Variants in NPIPB2 observed in about 807,000 individuals in gnomAD.
The protein encoded by NPIPB2 is nuclear pore complex interacting protein family member B2.
Under a neutral mutation model 30.8 loss-of-function variants are expected in NPIPB2, and 27 were observed. The observed-to-expected ratio is 0.88, with a 90% confidence interval of 0.65 to 1.21. The LOEUF (loss-of-function observed/expected upper bound fraction) is 1.21, where lower values mean the gene tolerates loss of function less well. Ranked by LOEUF, NPIPB2 falls within the 50% of genes most tolerant of loss-of-function variation. The pLI, the probability that NPIPB2 is intolerant of heterozygous loss-of-function variation, is 0.00. For missense variants in NPIPB2, 440 were observed against 446.2 expected (o/e 0.99, Z 0.13); for synonymous variants, 147 against 162.0 (o/e 0.91, Z 0.70).
intron 1 of NPIPB2, among the ~76,000 whole-genome samples, chr16:11,974,049 T>A (rs777047553): frequency 1.3e-5 from 2 of 152,188 alleles, no homozygotes; most frequent in African/African-American, 4.8e-5. Context: ...AAAATTGTTA[T>A]TTTTGGTGGG....
In NPIPB2 at chr16:11,951,625, T is replaced by TACACACACACACACACACAC. The variant is rs1214348316; in HGVS notation, c.-583-9531_-583-9512dup. Among the ~76,000 whole-genome samples the TACACACACACACACACACAC allele has an allele frequency of 3.3e-3, 320 of 95,834 alleles. 3 individuals carry two copies. The highest frequency in any genetic ancestry group is 0.014 in the African/African-American group (291 of 21,538). The allele number at this position is 95,834 out of a possible 152,430, so 62.9% of individuals were successfully genotyped here. A position where few individuals can be genotyped will look rare whatever the true frequency, so the allele number is the denominator to read the frequency against. On this transcript the variant is annotated intron_variant, in intron 1 of 5. Coordinates refer to the NPIPB2 transcript ENST00000538896. Reference sequence around the variant, plus strand: ...TACAGATGGACACTGCACATACACATACACACACACACACACACACACACA... The same window carrying TACACACACACACACACACAC: ...TACAGATGGACACTGCACATACACATACACACACACACACACACACACACACACACACACACACACACACA...
At chr16:11,955,204 A>AAACCTAAAAATAGCCAGGCATGG in intron 1 of NPIPB2, among the ~76,000 whole-genome samples, 1 of 152,052 alleles carries the variant, frequency 6.6e-6, no homozygotes, top group Middle Eastern at 3.4e-3. Flanking sequence ...AAATACAAAA[A>AAACCTAAAAATAGCCAGGCATGG]TTAGCTGGCC....
At chr16:11,939,201 T>TA (rs71139506) in intron 1 of NPIPB2, among the ~76,000 whole-genome samples, 132,198 of 146,752 alleles carry the variant, frequency 0.9, 59,596 homozygotes, top group Non-Finnish European at 0.95. Flanking sequence ...TCAGCATAAG[T>TA]AAAAAAAAAA....
At chr16:11,955,623 A>G (rs1423946936) in intron 1 of NPIPB2, among the ~76,000 whole-genome samples, 2 of 151,612 alleles carry the variant, frequency 1.3e-5, no homozygotes, top group Non-Finnish European at 2.9e-5. Flanking sequence ...TGGGTGGCTG[A>G]GGCAGGAGAA....
chr16:11,962,563 G>C (rs1047615563), intron 1 of NPIPB2, among the ~76,000 whole-genome samples: 2 of 141,332 alleles, frequency 1.4e-5, no homozygotes, highest in African/African-American at 5.2e-5. Context: ...AGTGAGCTGA[G>C]ATAGCGCCCC....
At chr16:11,934,073 A>C in intron 2 of NPIPB2, 149 bp from the exon 3 acceptor site, 2 of 669,772 alleles carry the variant, frequency 3.0e-6, no homozygotes, top group South Asian at 3.6e-5. Flanking sequence ...TCTACTAAAA[A>C]TACAAAAATT....
At chr16:11,965,427 C>T (rs1274772306) in intron 1 of NPIPB2, 1 of 1,614,040 alleles carries the variant, frequency 6.2e-7, no homozygotes. Context: ...TACTCCTCCT[C>T]TAACATGTCA....
chr16:11,948,600 A>G (rs2055034082), intron 1 of NPIPB2, among the ~76,000 whole-genome samples: 2 of 151,588 alleles, frequency 1.3e-5, no homozygotes, highest in African/African-American at 4.8e-5. Flanking sequence ...CCCCGTCTCT[A>G]CTAAAAATAC....
intron 4 of NPIPB2, 80 bp downstream of exon 4, chr16:11,933,437 T>C (rs529192562): frequency 1.3e-6 from 2 of 1,576,030 alleles, no homozygotes; most frequent in African/African-American, 2.7e-5. Flanking sequence ...TTGTAGAAAA[T>C]ATTCTCAAGG....
exon 8 of NPIPB2, chr16:11,927,448 C>T (rs777517814): frequency 9.2e-7 from 1 of 1,091,360 alleles, no homozygotes. Flanking sequence ...ATGGTTCCAC[C>T]TCAGCGGCCC....
At chr16:11,962,114 C>T (rs1243442469) in intron 1 of NPIPB2, among the ~76,000 whole-genome samples, 2 of 148,932 alleles carry the variant, frequency 1.3e-5, no homozygotes, top group Non-Finnish European at 3.0e-5. Flanking sequence ...GGGAGGATCG[C>T]TTAAGCCCAG....
intron 2 of NPIPB2, among the ~76,000 whole-genome samples, chr16:11,935,390 G>A (rs1185091623): frequency 1.3e-5 from 2 of 151,954 alleles, no homozygotes; most frequent in African/African-American, 4.8e-5. Context: ...CTTGGCTCAC[G>A]GCAACCTCCA....
chr16:11,942,095 G>A (rs2054950460), upstream of NPIPB2: 1 of 1,529,618 alleles, frequency 6.5e-7, no homozygotes, highest in Non-Finnish European at 8.7e-7. Flanking sequence ...TCACATCCAT[G>A]TAGCCATCTG....
chr16:11,970,233 G>A (rs2055227845), intron 1 of NPIPB2, among the ~76,000 whole-genome samples: 1 of 151,838 alleles, frequency 6.6e-6, no homozygotes, highest in South Asian at 2.1e-4. Flanking sequence ...TTATTTTTGA[G>A]ATGAAGTCTC....
At chr16:11,951,826 G>C (rs1001103985) in intron 1 of NPIPB2, among the ~76,000 whole-genome samples, 4 of 152,034 alleles carry the variant, frequency 2.6e-5, no homozygotes, top group African/African-American at 9.6e-5. Flanking sequence ...AGGAGATCAA[G>C]ACCATCCTGG....
At chr16:11,958,473 T>C (rs34508750) in intron 1 of NPIPB2, among the ~76,000 whole-genome samples, 447 of 150,126 alleles carry the variant, frequency 3.0e-3, no homozygotes, top group South Asian at 9.7e-3. Flanking sequence ...CTCATGCCTA[T>C]AATCCTAGCA....
intron 2 of NPIPB2, among the ~76,000 whole-genome samples, chr16:11,934,226 T>TCACACACACACACA (rs766087820): frequency 1.6e-3 from 197 of 121,510 alleles, no homozygotes; most frequent in African/African-American, 4.1e-3. Flanking sequence ...TGAGACTCTG[T>TCACACACACACACA]CACACACACA....
intron 1 of NPIPB2, among the ~76,000 whole-genome samples, chr16:11,976,288 C>T (rs1041842125): frequency 6.6e-6 from 1 of 152,204 alleles, no homozygotes; most frequent in African/African-American, 2.4e-5. Context: ...CTTGCAATTG[C>T]CCCTCCTTAT....
chr16:11,945,887 CTT>C (rs1169773851), upstream of NPIPB2, among the ~76,000 whole-genome samples: 3 of 151,842 alleles, frequency 2.0e-5, no homozygotes, highest in Admixed American at 6.6e-5. Context: ...ATTTCTGTCT[CTT>C]TCTTTCTCTG....
Sources: allele counts gnomAD v4.1 joint callset (sites outside exome capture counted in the v4.1 genomes callset), GRCh38; gene constraint gnomAD v4.1.1; transcripts MANE v1.5; gene names NCBI Gene and HGNC (gene_info 2026-07-23, HGNC 2026-07-21).